The following GABARAPL1 variants were observed in gnomAD, a reference collection of about 807,000 sequenced individuals.
The protein encoded by GABARAPL1 is gamma-aminobutyric acid receptor-associated protein-like 1.
GABARAPL1 carries 4 observed loss-of-function variants against 14.5 expected under a neutral mutation model. The observed-to-expected ratio is 0.28, with a 90% CI of 0.14 to 0.63. The LOEUF is 0.63. Among genes scored for constraint, GABARAPL1 ranks in the 30% least tolerant of loss-of-function variants. The probability of loss-of-function intolerance (pLI) is 0.84; values close to 1 mark genes in which losing one functional copy is unlikely to be tolerated. For missense variants in GABARAPL1, 82 were observed against 139.2 expected, an observed-to-expected ratio of 0.59 and a Z score of 2.07; for synonymous variants, 47 against 50.6, an observed-to-expected ratio of 0.93 and a Z score of 0.30.
intron 1 of GABARAPL1, among the ~76,000 whole-genome samples, chr12:10,216,517 A>C (rs1372496144): frequency 6.6e-6 from 1 of 151,614 alleles, no homozygotes; most frequent in Admixed American, 6.6e-5. Context: ...GTTCTAACTA[A>C]AATGACTATA....
chr12:10,223,040 T>C lies in GABARAPL1; in HGVS notation c.*1188T>C, dbSNP rs1294211772. On this transcript the variant is annotated 3_prime_UTR_variant, in exon 4 of 4. Coordinates refer to ENST00000266458, the MANE Select transcript of GABARAPL1 (RefSeq NM_031412.4). The stretch of plus-strand genomic sequence containing the variant: ...AGGGTTCTTTCTCTTGGGGGAAATG[T>C]GTGTGTCAGTTCTGTCAGCTGCAAG... The C allele has an allele frequency of 6.6e-6, 1 of 152,646 alleles. No homozygotes were observed. Among genetic ancestry groups the C allele is most frequent in the African/African-American group, 2.4e-5 (1 of 41,444 alleles). The allele number at this position is 152,646 out of a possible 1,614,324, so 9.5% of individuals were successfully genotyped here.
At chr12:10,220,683 C>T (rs1949116145) in intron 3 of GABARAPL1, 125 bp downstream of exon 3, 2 of 1,552,868 alleles carry the variant, frequency 1.3e-6, no homozygotes, top group South Asian at 1.2e-5. Flanking sequence ...TATCCGGATC[C>T]TCTTACATAT....
Position 10,220,633 on chromosome 12 carries a change from G to A in GABARAPL1, c.288+75G>A, listed in dbSNP as rs757553646. The A allele has an allele frequency of 6.2e-5, 100 of 1,604,914 alleles. 4 individuals are homozygous for A. In the South Asian group the frequency reaches 1.0e-3, roughly 17 times the overall value. On this transcript the variant is annotated intron_variant, in intron 3 of 3. Coordinates refer to ENST00000266458, the MANE Select transcript of GABARAPL1 (RefSeq NM_031412.4). Reference sequence around the variant, plus strand: ...ATCCTCTAGCCCTTGTTCTAGATGCGTTGATAACACATCTGAGAAGTGGGG... The same window carrying A: ...ATCCTCTAGCCCTTGTTCTAGATGCATTGATAACACATCTGAGAAGTGGGG...
chr12:10,213,406 C>A (rs1949069263), intron 1 of GABARAPL1, 187 bp downstream of exon 1: 3 of 672,124 alleles, frequency 4.5e-6, no homozygotes, highest in Non-Finnish European at 8.2e-6. Context: ...TTTAAAACCC[C>A]GTATGCCTGG....
Position 10,213,017 on chromosome 12 carries a change from A to G in GABARAPL1, c.-113A>G. 3 of 518,208 alleles carry G rather than the reference A, an allele frequency of 5.8e-6. No homozygotes were observed. Among genetic ancestry groups the G allele is most frequent in the Admixed American group, 2.7e-5 (1 of 37,320 alleles). The allele number at this position is 518,208 out of a possible 1,614,324, so 32.1% of individuals were successfully genotyped here. On this transcript the variant is annotated 5_prime_UTR_variant, in exon 1 of 4. Coordinates refer to ENST00000266458, the MANE Select transcript of GABARAPL1 (RefSeq NM_031412.4). ...CCCAGCGCTGTTGCCCCCGGAGCGG[A>G]CGTTTCTGCAGCTATTCTGAGCACA...
rs1382847756 is a variant in GABARAPL1, at chr12:10,212,937, A to C, written c.-193A>C. The stretch of plus-strand genomic sequence containing the variant: ...GTATTTCTCCATCTGGCTCTCCTCT[A>C]CCTCCAGGCAGGCTCACCCGAGATC... On this transcript the variant is annotated 5_prime_UTR_variant, in exon 1 of 4. Coordinates refer to ENST00000266458, the MANE Select transcript of GABARAPL1 (RefSeq NM_031412.4). 1 of 565,576 alleles carries C rather than the reference A, an allele frequency of 1.8e-6. No individual in the cohort carries two copies. The highest frequency in any genetic ancestry group is 3.2e-6 in the Non-Finnish European group (1 of 312,810). 35.0% of individuals were successfully genotyped at this position (565,576 alleles called of 1,614,324 possible).
Position 10,223,021 on chromosome 12 carries a change from C to G in GABARAPL1, c.*1169C>G, listed in dbSNP as rs1253120891. ...TTCATCTCTGCTAATGAAAAGGGTTCTTTCTCTTGGGGGAAATGTGTGTGT... is the reference window on the plus strand; with the variant it reads ...TTCATCTCTGCTAATGAAAAGGGTTGTTTCTCTTGGGGGAAATGTGTGTGT... On this transcript the variant is annotated 3_prime_UTR_variant, in exon 4 of 4. Transcript: ENST00000266458. 6.6e-6 allele frequency: 1 copy of G among 152,606 alleles called. No homozygotes were observed. Among genetic ancestry groups the G allele is most frequent in the Non-Finnish European group, 1.5e-5 (1 of 68,036 alleles). 9.5% of individuals were successfully genotyped at this position (152,606 alleles called of 1,614,324 possible).
rs929859518 is a variant in GABARAPL1, at chr12:10,220,568, C to A, written c.288+10C>A. On this transcript the variant is annotated intron_variant, in intron 3 of 3. Coordinates refer to ENST00000266458, the MANE Select transcript of GABARAPL1 (RefSeq NM_031412.4). ...GGGCCAACTGTATGAGGTAATGGTTCTGGTTGCACAATACTGGATGCCGTC... is the reference window on the plus strand; with the variant it reads ...GGGCCAACTGTATGAGGTAATGGTTATGGTTGCACAATACTGGATGCCGTC... The A allele has an allele frequency of 3.1e-5, 50 of 1,614,030 alleles. No homozygotes were observed. Among genetic ancestry groups the A allele is most frequent in the Non-Finnish European group, 4.2e-5 (49 of 1,179,934 alleles).
At chr12:10,213,449 T>C (rs530369342) in intron 1 of GABARAPL1, 84 of 572,528 alleles carry the variant, frequency 1.5e-4, no homozygotes, top group African/African-American at 1.3e-3. Context: ...TGACGGCGTT[T>C]TGGGGGCCGA....
intron 2 of GABARAPL1, 114 bp downstream of exon 2, chr12:10,218,255 G>T: frequency 1.3e-6 from 1 of 745,392 alleles, no homozygotes. Flanking sequence ...GGAAGTGAGT[G>T]GGATGCTCTG....
At position 10,221,851 on chromosome 12, in the gene GABARAPL1, G is replaced by C; in HGVS notation, c.353G>C (p.Ter118SerextTer15). 1.2e-6 allele frequency: 2 copies of C among 1,613,954 alleles called. No individual in the cohort carries two copies. Among genetic ancestry groups the C allele is most frequent in the East Asian group, 2.2e-5 (1 of 44,878 alleles). Residue 118 changes from the stop codon to serine (S), a stop_lost, in exon 4 of 4, where the codon TGA (stop) becomes TCA (serine). Transcript: ENST00000266458. ...AGTGATGAGAGTGTCTATGGGAAAT[G>C]AGTGGTTGGAAGCCCAGCAGATGGG... ...AYSDESVYGK[*>S]
chr12:10,214,834 C>CTAATTAATT (rs1949079145), intron 1 of GABARAPL1: 1 of 152,142 alleles, frequency 6.6e-6, no homozygotes, highest in African/African-American at 2.4e-5. Context: ...GTTGTATTAA[C>CTAATTAATT]CAGAATTAAT....
intron 1 of GABARAPL1, chr12:10,214,835 C>CTATATTAATTCTAATAT (rs1949079178): frequency 6.6e-6 from 1 of 152,140 alleles, no homozygotes; most frequent in African/African-American, 2.4e-5. Flanking sequence ...TTGTATTAAC[C>CTATATTAATTCTAATAT]AGAATTAATG....
chr12:10,214,176 C>G (rs1198223917), intron 1 of GABARAPL1: 3 of 236,066 alleles, frequency 1.3e-5, no homozygotes, highest in African/African-American at 6.7e-5. Context: ...AAATTGTGCT[C>G]TTTATCTTCA....
rs1483883808 is a variant in GABARAPL1, at chr12:10,220,757, AT to A, written c.288+202del. ...TTTTAGGGATTAGCCACTCTACTAGATTTAATCCTTCTGAAATCTTGTCTGA... is the reference window on the plus strand; with the variant it reads ...TTTTAGGGATTAGCCACTCTACTAGATTAATCCTTCTGAAATCTTGTCTGA... On this transcript the variant is annotated intron_variant, in intron 3 of 3. Coordinates refer to ENST00000266458, the MANE Select transcript of GABARAPL1 (RefSeq NM_031412.4). 24 of 1,496,550 alleles carry A rather than the reference AT, an allele frequency of 1.6e-5. No individual in the cohort carries two copies. The African/African-American group carries it at 2.8e-4, about 17-fold the overall frequency. 92.7% of individuals were successfully genotyped at this position (1,496,550 alleles called of 1,614,324 possible).
intron 1 of GABARAPL1, 86 bp from the exon 2 acceptor site, chr12:10,217,977 G>T (rs917655432): frequency 8.8e-6 from 7 of 791,466 alleles, no homozygotes; most frequent in Non-Finnish European, 1.6e-5. Context: ...ATTTCCAGTA[G>T]TAACTAGGCA....
intron 1 of GABARAPL1, among the ~76,000 whole-genome samples, chr12:10,215,179 T>C (rs1949080793): frequency 6.6e-6 from 1 of 152,140 alleles, no homozygotes; most frequent in African/African-American, 2.4e-5. Context: ...GTGTCTTGTT[T>C]ACAGAAAAGA....
In GABARAPL1 at chr12:10,213,027, A is replaced by T. The variant is rs997901562; in HGVS notation, c.-103A>T. 1.2e-5 allele frequency: 8 copies of T among 646,702 alleles called. No individual in the cohort carries two copies. The highest frequency in any genetic ancestry group is 1.1e-4 in the African/African-American group (6 of 54,544). The allele number at this position is 646,702 out of a possible 1,614,324, so 40.1% of individuals were successfully genotyped here. ...TTGCCCCCGGAGCGGACGTTTCTGC[A>T]GCTATTCTGAGCACACCTTGACGTC... On this transcript the variant is annotated 5_prime_UTR_variant, in exon 1 of 4. Transcript: ENST00000266458.
rs115023303 is a variant in GABARAPL1 at position 10,217,032 on chromosome 12, C to T, written c.91-1031C>T. Among the ~76,000 whole-genome samples, 1,050 of 151,828 alleles carry T rather than the reference C, an allele frequency of 6.9e-3. 13 individuals are homozygous for T. Among genetic ancestry groups the T allele is most frequent in the African/African-American group, 0.024 (982 of 41,366 alleles). On this transcript the variant is annotated intron_variant, in intron 1 of 3. Coordinates refer to ENST00000266458, the MANE Select transcript of GABARAPL1 (RefSeq NM_031412.4). The stretch of plus-strand genomic sequence containing the variant: ...ATAAATCCCTTAAAATCCTAACAAT[C>T]GAAAGCCTAAAGCTCATGATTTTAT...
Sources: gnomAD v4.1 joint callset for allele counts (sites outside exome capture counted in the v4.1 genomes callset) on GRCh38, gnomAD v4.1.1 for gene constraint, MANE v1.5 for transcripts, NCBI Gene and HGNC (gene_info 2026-07-23, HGNC 2026-07-21) for gene names.